Variants in PIK3C2G observed in about 807,000 individuals in gnomAD.
PIK3C2G encodes phosphatidylinositol-4-phosphate 3-kinase catalytic subunit type 2 gamma, also known as phosphatidylinositol 3-kinase C2 domain-containing subunit gamma.
A neutral mutation model predicts 181.1 loss-of-function variants in PIK3C2G; 168 were observed. That is an observed-to-expected ratio of 0.93 (90% CI 0.82 to 1.05). PIK3C2G has a LOEUF of 1.05. PIK3C2G is among the 50% of genes least tolerant of loss of function. PIK3C2G has a pLI of 0.00. For synonymous variants in PIK3C2G, 573 were observed against 592.2 expected, an observed-to-expected ratio of 0.97 and a Z score of 0.47; for missense variants, 1,869 against 1,732.8, an observed-to-expected ratio of 1.08 and a Z score of -1.40.
downstream of PIK3C2G, among the ~76,000 whole-genome samples, chr12:18,652,255 A>G (rs1330739540): frequency 3.9e-5 from 6 of 152,162 alleles, no homozygotes; most frequent in Admixed American, 1.3e-4. Context: ...CCCATATACC[A>G]GTCACATATA....
intron 26 of PIK3C2G, among the ~76,000 whole-genome samples, chr12:18,562,050 T>A (rs1430870649): frequency 3.3e-5 from 5 of 152,254 alleles, no homozygotes; most frequent in Non-Finnish European, 7.3e-5. Context: ...GCGTTACTTC[T>A]GGAATGTTGT....
intron 16 of PIK3C2G, among the ~76,000 whole-genome samples, chr12:18,414,491 T>C (rs2135658875): frequency 6.6e-6 from 1 of 152,252 alleles, no homozygotes; most frequent in South Asian, 2.1e-4. Flanking sequence ...AAAATGGCTC[T>C]TAGTATTTTT....
At chr12:18,590,079 A>G (rs929161552) in intron 29 of PIK3C2G, among the ~76,000 whole-genome samples, 3 of 151,556 alleles carry the variant, frequency 2.0e-5, no homozygotes, top group African/African-American at 7.3e-5. Flanking sequence ...TCTGGTATCC[A>G]ACTTTCTCAT....
intron 16 of PIK3C2G, among the ~76,000 whole-genome samples, chr12:18,401,198 A>G (rs2138136577): frequency 6.6e-6 from 1 of 152,190 alleles, no homozygotes; most frequent in African/African-American, 2.4e-5. Context: ...TCTAAGATGC[A>G]TTATTATTAT....
At chr12:18,516,954 A>G (rs965008951) in intron 24 of PIK3C2G, among the ~76,000 whole-genome samples, 3 of 151,070 alleles carry the variant, frequency 2.0e-5, no homozygotes, top group Admixed American at 6.6e-5. Context: ...CAGACATTTT[A>G]TAGAACTTCA....
chr12:18,302,253 C>T (rs900036045), intron 5 of PIK3C2G, among the ~76,000 whole-genome samples: 4 of 152,170 alleles, frequency 2.6e-5, no homozygotes, highest in African/African-American at 9.6e-5. Context: ...GGTTTTGGGG[C>T]CCCTGGCAGT....
At chr12:18,386,255 T>A (rs1943164380) in intron 14 of PIK3C2G, among the ~76,000 whole-genome samples, 1 of 152,178 alleles carries the variant, frequency 6.6e-6, no homozygotes, top group Non-Finnish European at 1.5e-5. Flanking sequence ...GATGCTCTCA[T>A]TCATTTAGTT....
At chr12:18,540,544 G>A (rs1944097697) in intron 25 of PIK3C2G, among the ~76,000 whole-genome samples, 1 of 151,816 alleles carries the variant, frequency 6.6e-6, no homozygotes, top group South Asian at 2.1e-4. Flanking sequence ...TAAGAGTCAT[G>A]ATATGTTAAA....
chr12:18,265,335 CAA>C (rs1198117172), intron 1 of PIK3C2G, among the ~76,000 whole-genome samples: 1 of 152,054 alleles, frequency 6.6e-6, no homozygotes, highest in African/African-American at 2.4e-5. Flanking sequence ...AAATGCAAAA[CAA>C]ATGTTTTTGT....
At chr12:18,558,192 A>G (rs1945113831) in intron 26 of PIK3C2G, among the ~76,000 whole-genome samples, 1 of 152,184 alleles carries the variant, frequency 6.6e-6, no homozygotes, top group Non-Finnish European at 1.5e-5. Context: ...GGAGGCCAGA[A>G]ACAGTCTTGT....
At chr12:18,352,404 C>T (rs1343090132) in intron 11 of PIK3C2G, among the ~76,000 whole-genome samples, 2 of 152,144 alleles carry the variant, frequency 1.3e-5, no homozygotes, top group Non-Finnish European at 2.9e-5. Flanking sequence ...CTCAACCCCT[C>T]ATGGGAGGGG....
chr12:18,331,727 G>A (rs1019445812), intron 8 of PIK3C2G, among the ~76,000 whole-genome samples: 5 of 152,008 alleles, frequency 3.3e-5, no homozygotes, highest in Non-Finnish European at 5.9e-5. Context: ...CAGAATCCCC[G>A]CCTTGCTATT....
chr12:18,312,829 A>G (rs1020164960), intron 5 of PIK3C2G, among the ~76,000 whole-genome samples: 3 of 152,146 alleles, frequency 2.0e-5, no homozygotes, highest in African/African-American at 7.2e-5. Context: ...ACGTTAAAAT[A>G]GAAACATTTA....
intron 3 of PIK3C2G, 65 bp downstream of exon 3, chr12:18,286,994 A>G: frequency 3.1e-6 from 2 of 651,052 alleles, no homozygotes; most frequent in Non-Finnish European, 5.0e-6. Flanking sequence ...GTATTTTGAC[A>G]TCACTGAACT....
chr12:18,629,798 A>T (rs893731023), intron 31 of PIK3C2G, among the ~76,000 whole-genome samples: 1 of 152,172 alleles, frequency 6.6e-6, no homozygotes, highest in South Asian at 2.1e-4. Flanking sequence ...TAGGGTAAAC[A>T]CCTAGGATAA....
intron 1 of PIK3C2G, among the ~76,000 whole-genome samples, chr12:18,281,703 T>A (rs80292565): frequency 6.6e-6 from 1 of 152,140 alleles, no homozygotes; most frequent in African/African-American, 2.4e-5. Flanking sequence ...AAATGATAAG[T>A]GGATATTCAA....
At position 18,343,320 on chromosome 12, in the gene PIK3C2G, T is replaced by C. The variant is rs1475233270; in HGVS notation, c.1396-7T>C. ...AATAACAAGTATAATTTTACATTTT[T>C]TTTCAGAATTTTTATCAAAGTTCAG... On this transcript the variant is annotated splice_polypyrimidine_tract_variant and splice_region_variant and intron_variant, in intron 9 of 32. Transcript: ENST00000538779. 2 of 1,336,564 alleles carry C rather than the reference T, an allele frequency of 1.5e-6. No homozygotes were observed. The highest frequency in any genetic ancestry group is 2.9e-5 in the African/African-American group (2 of 68,172). The allele number at this position is 1,336,564 out of a possible 1,614,324, so 82.8% of individuals were successfully genotyped here.
intron 5 of PIK3C2G, among the ~76,000 whole-genome samples, chr12:18,305,982 T>C (rs1950404759): frequency 1.3e-5 from 2 of 151,970 alleles, no homozygotes; most frequent in South Asian, 4.2e-4. Flanking sequence ...TATAGTTATG[T>C]TACTACTTGT....
At chr12:18,698,907 T>G in the PIK3C2G span, among the ~76,000 whole-genome samples, 1 of 152,170 alleles carries the variant, frequency 6.6e-6, no homozygotes, top group South Asian at 2.1e-4. Context: ...ATTATTGTCC[T>G]TACTTCCCCC....
Sources: gnomAD v4.1 joint callset for allele counts (sites outside exome capture counted in the v4.1 genomes callset) on GRCh38, gnomAD v4.1.1 for gene constraint, MANE v1.5 for transcripts, NCBI Gene and HGNC (gene_info 2026-07-23, HGNC 2026-07-21) for gene names.